The following FILIP1 variants were observed in gnomAD, a reference collection of about 807,000 sequenced individuals.
FILIP1 encodes the protein filamin A interacting protein 1.
In FILIP1, 61 loss-of-function variants were observed where a neutral mutation model predicts 102.1. That is an observed-to-expected ratio of 0.60 (90% CI 0.49 to 0.74). The LOEUF is 0.74. Ranked by LOEUF, FILIP1 falls within the 30% of genes least tolerant of loss-of-function variation. The pLI, the probability that FILIP1 is intolerant of heterozygous loss-of-function variation, is 0.00. For missense variants in FILIP1, 1,314 were observed against 1,441.2 expected (o/e 0.91, Z 1.43); for synonymous variants, 491 against 526.9 (o/e 0.93, Z 0.93).
intron 1 of FILIP1, among the ~76,000 whole-genome samples, chr6:75,453,418 T>C (rs1273489363): frequency 6.6e-6 from 1 of 152,240 alleles, no homozygotes; most frequent in Non-Finnish European, 1.5e-5. Flanking sequence ...AATTCTTTTG[T>C]AGCCCTATAT....
intron 1 of FILIP1, among the ~76,000 whole-genome samples, chr6:75,488,544 T>C (rs1388876929): frequency 6.6e-6 from 1 of 152,154 alleles, no homozygotes; most frequent in Non-Finnish European, 1.5e-5. Flanking sequence ...GGAAAAGTTA[T>C]TTCCTTCTTT....
Position 75,313,663 on chromosome 6 carries a change from T to G in FILIP1, c.2169A>C (p.Glu723Asp), listed in dbSNP as rs1023596934. 1 of 1,574,376 alleles carries G rather than the reference T, an allele frequency of 6.4e-7. No homozygotes were observed. Among genetic ancestry groups the G allele is most frequent in the African/African-American group, 1.4e-5 (1 of 72,988 alleles). ...GAATCTTCTCTTTAAGAGCTTGTAC[T>G]TCGGCTTTTAAGTCTCGACTTTTAG... is the stretch of plus-strand genomic sequence containing the variant. ...EEAKSRDLKAEVQALKEKIHE... is the reference protein window; with the variant it reads ...EEAKSRDLKADVQALKEKIHE... Residue 723 changes from glutamate to aspartate, a missense_variant, in exon 5 of 6, where the codon GAA (glutamate) becomes GAC (aspartate). Physicochemically the swap from Glu to Asp is conservative, Grantham distance 45. Around this residue, in one of 3 missense-constraint regions of FILIP1, gnomAD observed 816 missense variants for 913.1 expected, o/e 0.89. Transcript: ENST00000237172. The surrounding 1 kb of genome is among the most constrained non-coding windows in gnomAD (Gnocchi z 4.2).
At chr6:75,329,092 T>C (rs914866712) in intron 4 of FILIP1, among the ~76,000 whole-genome samples, 1 of 152,226 alleles carries the variant, frequency 6.6e-6, no homozygotes, top group African/African-American at 2.4e-5. Flanking sequence ...CTTCTTATGG[T>C]CTAAGGACAA....
At chr6:75,463,231 C>A (rs545061725) in intron 1 of FILIP1, among the ~76,000 whole-genome samples, 1 of 152,160 alleles carries the variant, frequency 6.6e-6, no homozygotes, top group Non-Finnish European at 1.5e-5. Flanking sequence ...CCCATACCCC[C>A]CTTTCCCTAA....
chr6:75,400,254 T>C (rs966690455), intron 2 of FILIP1, among the ~76,000 whole-genome samples: 2 of 152,108 alleles, frequency 1.3e-5, no homozygotes, highest in Non-Finnish European at 2.9e-5. Flanking sequence ...TAGAAAAAAA[T>C]TGAACTGGAA....
At position 75,313,856 on chromosome 6, in the gene FILIP1, T is replaced by A. The variant is rs763966569; in HGVS notation, c.1976A>T (p.Glu659Val). Reference sequence around the variant, plus strand: ...AAATTTCTGTTCCAGCTGATCATACTCATCTTCTGTCTTCATCAAATCCCC... The same window carrying A: ...AAATTTCTGTTCCAGCTGATCATACACATCTTCTGTCTTCATCAAATCCCC... ...VEGDLMKTED[E>V]YDQLEQKFRT... Residue 659 changes from glutamate (E) to valine (V), a missense_variant, in exon 5 of 6, where the codon GAG becomes GTG. By Grantham distance (121) the Glu-to-Val change is moderately radical. Around this residue, in one of 3 missense-constraint regions of FILIP1, gnomAD observed 816 missense variants for 913.1 expected, o/e 0.89. Transcript: ENST00000237172. The surrounding 1 kb of genome is among the most constrained non-coding windows in gnomAD (Gnocchi z 4.2). 1.2e-6 allele frequency: 2 copies of A among 1,614,036 alleles called. No homozygotes were observed. The highest frequency in any genetic ancestry group is 2.7e-5 in the African/African-American group (2 of 74,936).
chr6:75,342,711 T>A (rs181935369), intron 4 of FILIP1, among the ~76,000 whole-genome samples: 2 of 152,330 alleles, frequency 1.3e-5, no homozygotes, highest in African/African-American at 4.8e-5. Context: ...CACTGTGGTC[T>A]CTGATCTCAG....
intron 2 of FILIP1, among the ~76,000 whole-genome samples, chr6:75,387,558 T>G (rs957056655): frequency 1.3e-5 from 2 of 152,178 alleles, no homozygotes; most frequent in African/African-American, 4.8e-5. Flanking sequence ...ATCTGTTGTT[T>G]CCTGACTTTT....
chr6:75,350,238 C>T (rs1016009888), intron 4 of FILIP1, among the ~76,000 whole-genome samples: 5 of 152,064 alleles, frequency 3.3e-5, no homozygotes, highest in East Asian at 1.9e-4. Flanking sequence ...TAAAGTATAA[C>T]TGATTCCATA....
intron 3 of FILIP1, chr6:75,362,002 G>A (rs980400043): frequency 1.3e-5 from 2 of 152,178 alleles, no homozygotes; most frequent in East Asian, 1.9e-4. Flanking sequence ...TAAATTACAT[G>A]TTAAACGTAT....
Position 75,313,500 on chromosome 6 carries a change from G to A in FILIP1, c.2332C>T (p.Leu778Phe). The A allele has an allele frequency of 6.2e-7, 1 of 1,614,176 alleles. No homozygotes were observed. The highest frequency in any genetic ancestry group is 1.1e-5 in the South Asian group (1 of 91,090). ...EVLNLTKELE[L>F]SKRYSRALRP... Reference sequence around the variant, plus strand: ...AGAGCTCTGCTGTAGCGCTTGGAAAGCTCCAACTCTTTGGTCAGATTGAGA... The same window carrying A: ...AGAGCTCTGCTGTAGCGCTTGGAAAACTCCAACTCTTTGGTCAGATTGAGA... Residue 778 changes from leucine (L) to phenylalanine (F), a missense_variant, in exon 5 of 6, where the codon CTT becomes TTT. Around this residue, in one of 3 missense-constraint regions of FILIP1, gnomAD observed 816 missense variants for 913.1 expected, o/e 0.89. Transcript: ENST00000237172. This position sits in a 1 kb window ranked among gnomAD's most constrained non-coding sequence, Gnocchi z 4.2.
At chr6:75,441,826 G>A (rs1320489482) in intron 1 of FILIP1, among the ~76,000 whole-genome samples, 2 of 148,080 alleles carry the variant, frequency 1.4e-5, no homozygotes, top group East Asian at 2.0e-4. Flanking sequence ...GCGGCTGGCC[G>A]GGCGGGGGGC....
intron 1 of FILIP1, among the ~76,000 whole-genome samples, chr6:75,424,450 T>C (rs1777569579): frequency 1.3e-5 from 2 of 152,226 alleles, no homozygotes; most frequent in Non-Finnish European, 2.9e-5. Flanking sequence ...CTTGAGGTTT[T>C]CAAAGGAGGT....
At chr6:75,306,874 C>G (rs918463522), downstream of FILIP1, among the ~76,000 whole-genome samples, 2 of 108,300 alleles carry the variant, frequency 1.8e-5, no homozygotes, top group Non-Finnish European at 3.9e-5. Flanking sequence ...ATGATCTTGG[C>G]TCACTGCAAC....
At chr6:75,390,734 T>C (rs1776256609) in intron 2 of FILIP1, among the ~76,000 whole-genome samples, 1 of 152,136 alleles carries the variant, frequency 6.6e-6, no homozygotes, top group Non-Finnish European at 1.5e-5. Context: ...AACATAAGAT[T>C]TGGGCAGGCA....
In FILIP1 at chr6:75,415,254, C is replaced by G. The variant is rs1021487705; in HGVS notation, c.-6-276G>C. On this transcript the variant is annotated intron_variant, in intron 1 of 5. Coordinates refer to ENST00000237172, the MANE Select transcript of FILIP1 (RefSeq NM_015687.5). ...TTACATAGCCCCCATAATAATATATCAATATTGGTTCATTGATTGTAACAA... is the reference window on the plus strand; with the variant it reads ...TTACATAGCCCCCATAATAATATATGAATATTGGTTCATTGATTGTAACAA... Among the ~76,000 whole-genome samples, 6 of 151,970 alleles carry G rather than the reference C, an allele frequency of 3.9e-5. No individual in the cohort carries two copies. The South Asian group carries it at 6.3e-4, about 16-fold the overall frequency.
chr6:75,467,252 G>A (rs958859097), intron 1 of FILIP1, among the ~76,000 whole-genome samples: 1 of 152,056 alleles, frequency 6.6e-6, no homozygotes, highest in Admixed American at 6.5e-5. Flanking sequence ...AATTGATGTA[G>A]AAGGAACTAT....
intron 1 of FILIP1, among the ~76,000 whole-genome samples, chr6:75,485,974 C>G (rs1186124397): frequency 7.6e-6 from 1 of 131,530 alleles, no homozygotes; most frequent in East Asian, 2.1e-4. Flanking sequence ...CCAAAACACA[C>G]ACACACACAC....
At chr6:75,292,833 A>G (rs1428953182) in exon 7 of FILIP1, 1 of 152,214 alleles carries the variant, frequency 6.6e-6, no homozygotes, top group African/African-American at 2.4e-5. Flanking sequence ...CATTAGGAGA[A>G]AAGGCAAAAA....
Sources: gnomAD v4.1 joint callset for allele counts (sites outside exome capture counted in the v4.1 genomes callset) on GRCh38, gnomAD v4.1.1 for gene constraint, gnomAD v4.1.1 regional missense constraint, Gnocchi (gnomAD v3.1) non-coding constraint, MANE v1.5 for transcripts, NCBI Gene and HGNC (gene_info 2026-07-23, HGNC 2026-07-21) for gene names.